RSPRY1: variants seen among roughly 807,000 people sequenced by gnomAD.
RSPRY1 encodes the protein ring finger and SPRY domain containing 1, also known as RING finger and SPRY domain-containing protein 1.
RSPRY1 carries 23 observed loss-of-function variants against 73.1 expected under a neutral mutation model. The observed-to-expected ratio is 0.31, with a 90% confidence interval of 0.23 to 0.45. RSPRY1 has a LOEUF of 0.45. Among genes scored for constraint, RSPRY1 ranks in the 20% least tolerant of loss-of-function variants. The probability of loss-of-function intolerance (pLI) is 1.00; values close to 1 mark genes in which losing one functional copy is unlikely to be tolerated. For synonymous variants in RSPRY1, 226 were observed against 251.4 expected (o/e 0.90, Z 0.95); for missense variants, 448 against 698.7 (o/e 0.64, Z 4.05).
intron 1 of RSPRY1, among the ~76,000 whole-genome samples, chr16:57,200,194 A>G (rs1482717656): frequency 7.4e-5 from 11 of 148,832 alleles, no homozygotes; most frequent in African/African-American, 2.7e-4. Flanking sequence ...TGGACACAGC[A>G]CATGTTTCAG....
rs1405958015 is a variant in RSPRY1, at chr16:57,227,331, T to A, written c.1162-11T>A. ...AGACTTGCTAATCTTCTGGGCCTTG[T>A]CTCTCTCCAGGAAGGCTACGGCATT... On this transcript the variant is annotated splice_polypyrimidine_tract_variant and intron_variant, in intron 10 of 14. Coordinates refer to ENST00000394420, the MANE Select transcript of RSPRY1 (RefSeq NM_133368.3). 1 of 1,598,370 alleles carries A rather than the reference T, an allele frequency of 6.3e-7. No homozygotes were observed. Among genetic ancestry groups the A allele is most frequent in the Non-Finnish European group, 8.6e-7 (1 of 1,165,820 alleles).
At chr16:57,221,204 A>G (rs1358119490) in intron 9 of RSPRY1, 68 bp from the exon 10 acceptor site, 3 of 1,568,168 alleles carry the variant, frequency 1.9e-6, no homozygotes, top group African/African-American at 1.4e-5. Flanking sequence ...CAACCTTCCC[A>G]GTAGTCAGTT....
chr16:57,216,993 C>T lies in RSPRY1; in HGVS notation c.859C>T (p.Arg287Cys), dbSNP rs369554037. The T allele has an allele frequency of 1.2e-5, 19 of 1,613,942 alleles. No homozygotes were observed. The highest frequency in any genetic ancestry group is 3.3e-5 in the South Asian group (3 of 91,080). Residue 287 changes from arginine to cysteine, a missense_variant, in exon 8 of 15, where the codon CGT becomes TGT. Transcript: ENST00000394420. The part of the protein sequence containing the change: ...SWANDPDYLK[R>C]QVGFCAQWSL... ...GGCTAATGATCCTGATTATCTGAAA[C>T]GTCAAGTTGGTTTCTGTGCCCAGTG...
chr16:57,195,813 G>C (rs1161397432), intron 1 of RSPRY1, among the ~76,000 whole-genome samples: 1 of 151,648 alleles, frequency 6.6e-6, no homozygotes, highest in African/African-American at 2.4e-5. Context: ...ATGAGGTCAG[G>C]AGTTCAAGAC....
At chr16:57,195,886 G>T (rs1269407011) in intron 1 of RSPRY1, among the ~76,000 whole-genome samples, 2 of 151,688 alleles carry the variant, frequency 1.3e-5, no homozygotes, top group African/African-American at 4.8e-5. Context: ...GCTGAGCGTG[G>T]TGGCACGCAC....
At chr16:57,214,037 A>G (rs1202171429) in intron 6 of RSPRY1, 91 bp downstream of exon 6, 1 of 842,588 alleles carries the variant, frequency 1.2e-6, no homozygotes, top group African/African-American at 1.7e-5. Context: ...TGGCATAGCC[A>G]CTGGCACAGA....
In RSPRY1 at chr16:57,209,161, C is replaced by T. The variant is rs778644181; in HGVS notation, c.490C>T (p.Leu164=). Residue 164 remains leucine, a synonymous_variant, in exon 4 of 15, where the codon CTA becomes TTA. Transcript: ENST00000394420. ...PLGPAVITLL[L]DECPLPTKDA... is the part of the protein sequence containing the mutation. ...GGGACCAGCTGTTATAACATTGTTA[C>T]TAGATGAATGTCCATTGCCCACTAA... The T allele has an allele frequency of 1.2e-6, 2 of 1,610,102 alleles. No homozygotes were observed. The highest frequency in any genetic ancestry group is 1.7e-6 in the Non-Finnish European group (2 of 1,176,908).
rs1311692916 is a variant in RSPRY1, at chr16:57,220,977, G to A, written c.1017+130G>A. 13 of 718,038 alleles carry A rather than the reference G, an allele frequency of 1.8e-5. No individual in the cohort carries two copies. The Admixed American group carries it at 3.3e-4, about 18-fold the overall frequency. 44.5% of individuals were successfully genotyped at this position (718,038 alleles called of 1,614,324 possible). On this transcript the variant is annotated intron_variant, in intron 9 of 14. Transcript: ENST00000394420. ...TATTTTGGAAATGTTGCTGACTTCA[G>A]GGGGAAGTCTCAAAGAGCTGCTTAT...
At chr16:57,218,651 T>G (rs1410692508) in intron 8 of RSPRY1, among the ~76,000 whole-genome samples, 1 of 152,020 alleles carries the variant, frequency 6.6e-6, no homozygotes, top group Non-Finnish European at 1.5e-5. Flanking sequence ...TCCATGTTAT[T>G]GTAAATGACA....
At chr16:57,207,380 A>T (rs1477208918) in intron 2 of RSPRY1, among the ~76,000 whole-genome samples, 1 of 151,970 alleles carries the variant, frequency 6.6e-6, no homozygotes, top group Non-Finnish European at 1.5e-5. Flanking sequence ...ATAAGTGGTG[A>T]GTTCTTAAGC....
intron 1 of RSPRY1, among the ~76,000 whole-genome samples, chr16:57,196,787 G>A (rs746585495): frequency 6.6e-6 from 1 of 152,116 alleles, no homozygotes; most frequent in Non-Finnish European, 1.5e-5. Flanking sequence ...AGGTAATTTA[G>A]TTATTTCTGA....
intron 10 of RSPRY1, among the ~76,000 whole-genome samples, chr16:57,225,719 C>T (rs996876057): frequency 6.6e-6 from 1 of 152,178 alleles, no homozygotes; most frequent in Non-Finnish European, 1.5e-5. Flanking sequence ...AAAATAATTT[C>T]TTAAGATCTC....
chr16:57,211,699 T>C (rs894367371), intron 4 of RSPRY1, among the ~76,000 whole-genome samples: 3 of 152,202 alleles, frequency 2.0e-5, no homozygotes, highest in African/African-American at 7.2e-5. Flanking sequence ...CTTTCCCATG[T>C]GTTTTACAGA....
chr16:57,187,447 A>AGAAG (rs1280147881), intron 1 of RSPRY1, among the ~76,000 whole-genome samples: 2 of 152,154 alleles, frequency 1.3e-5, no homozygotes, highest in African/African-American at 4.8e-5. Flanking sequence ...AGTGTCTGTT[A>AGAAG]TCGACTGAGT....
At chr16:57,224,854 C>T (rs2075095951) in intron 10 of RSPRY1, among the ~76,000 whole-genome samples, 1 of 152,218 alleles carries the variant, frequency 6.6e-6, no homozygotes, top group African/African-American at 2.4e-5. Context: ...TTTACCAACT[C>T]ATGGTGGCTA....
rs2075356229 is a variant in RSPRY1, at chr16:57,240,123, A to G, written c.*1148A>G. On this transcript the variant is annotated 3_prime_UTR_variant, in exon 15 of 15. Transcript: ENST00000394420. ...GGTGTACCTCAGCAGCTGCCTTTCA[A>G]TTTATGCCAAGTCCTTACAGAGTTT... 6.6e-6 allele frequency: 1 copy of G among 152,096 alleles called. No homozygotes were observed. Among genetic ancestry groups the G allele is most frequent in the African/African-American group, 2.4e-5 (1 of 41,420 alleles). 9.4% of individuals were successfully genotyped at this position (152,096 alleles called of 1,614,324 possible). A position where few individuals can be genotyped will look rare whatever the true frequency, so the allele number is the denominator to read the frequency against.
chr16:57,218,892 C>G (rs1460098743), intron 8 of RSPRY1, among the ~76,000 whole-genome samples: 1 of 141,494 alleles, frequency 7.1e-6, no homozygotes, highest in Non-Finnish European at 1.5e-5. Context: ...CCCGCCACTA[C>G]GCCCGGCTAA....
chr16:57,202,686 G>A (rs1034408727), intron 1 of RSPRY1, among the ~76,000 whole-genome samples: 28 of 151,964 alleles, frequency 1.8e-4, no homozygotes, highest in African/African-American at 6.8e-4. Flanking sequence ...AAGACAGCCC[G>A]AGTGGTTTGG....
chr16:57,236,365 G>A (rs1303298659), intron 14 of RSPRY1, among the ~76,000 whole-genome samples: 1 of 152,122 alleles, frequency 6.6e-6, no homozygotes, highest in Non-Finnish European at 1.5e-5. Context: ...AGTCTCCATA[G>A]TAGATATATA....
Sources: allele counts gnomAD v4.1 joint callset (sites outside exome capture counted in the v4.1 genomes callset), GRCh38; gene constraint gnomAD v4.1.1; transcripts MANE v1.5; gene names NCBI Gene and HGNC (gene_info 2026-07-23, HGNC 2026-07-21).